Variants in NELL1 observed in about 807,000 individuals in gnomAD.
NELL1 encodes neural EGFL like 1.
A neutral mutation model predicts 107.4 loss-of-function variants in NELL1; 76 were observed. The ratio of observed to expected loss-of-function variants is 0.71; its 90% CI spans 0.59 to 0.86. The LOEUF (loss-of-function observed/expected upper bound fraction) is 0.86, where lower values mean the gene tolerates loss of function less well. Among genes scored for constraint, NELL1 ranks in the 40% least tolerant of loss-of-function variants. The pLI is 0.00. For missense variants in NELL1, 1,024 were observed against 1,005.5 expected (o/e 1.02, Z -0.25); for synonymous variants, 353 against 341.2 (o/e 1.03, Z -0.38).
chr11:20,994,799 G>A (rs181684505), intron 12 of NELL1, among the ~76,000 whole-genome samples: 2 of 152,294 alleles, frequency 1.3e-5, no homozygotes, highest in Admixed American at 1.3e-4. Flanking sequence ...ATATCCTGCT[G>A]AGATTTATAT....
intron 14 of NELL1, among the ~76,000 whole-genome samples, chr11:21,231,608 T>C (rs997229196): frequency 3.3e-5 from 5 of 152,164 alleles, no homozygotes; most frequent in African/African-American, 1.2e-4. Flanking sequence ...CATAAAATAA[T>C]ATTAATTGCC....
intron 2 of NELL1, among the ~76,000 whole-genome samples, chr11:20,768,052 G>T (rs1856568829): frequency 6.6e-6 from 1 of 152,160 alleles, no homozygotes; most frequent in Non-Finnish European, 1.5e-5. Flanking sequence ...AAGCCTAAAT[G>T]AAGGAGCCAG....
At chr11:20,970,443 G>C (rs1851475811) in intron 12 of NELL1, among the ~76,000 whole-genome samples, 3 of 152,122 alleles carry the variant, frequency 2.0e-5, no homozygotes, top group South Asian at 2.1e-4. Flanking sequence ...GTTTAAAAGG[G>C]GGAAAAGAGC....
chr11:20,968,564 T>A (rs1242172028), intron 12 of NELL1, among the ~76,000 whole-genome samples: 1 of 152,216 alleles, frequency 6.6e-6, no homozygotes, highest in East Asian at 1.9e-4. Context: ...TGAACGTCAC[T>A]GCCTTTATTT....
chr11:21,358,303 GTCATCTATAATTTCTT>G (rs1371433310), intron 14 of NELL1, among the ~76,000 whole-genome samples: 2 of 152,104 alleles, frequency 1.3e-5, no homozygotes, highest in Non-Finnish European at 2.9e-5. Flanking sequence ...ATTTGTTTGT[GTCATCTATAATTTCTT>G]TCAGCAATGT....
intron 2 of NELL1, among the ~76,000 whole-genome samples, chr11:20,715,771 T>A (rs540419507): frequency 7.9e-5 from 12 of 152,348 alleles, no homozygotes; most frequent in African/African-American, 2.6e-4. Flanking sequence ...GAGTATCTGG[T>A]AGTCTTTTTG....
chr11:21,110,852 A>G (rs1358736231), intron 12 of NELL1, among the ~76,000 whole-genome samples: 2 of 152,142 alleles, frequency 1.3e-5, no homozygotes, highest in African/African-American at 4.8e-5. Flanking sequence ...TAAAACAGAG[A>G]AATTGAATTG....
intron 16 of NELL1, among the ~76,000 whole-genome samples, chr11:21,536,390 T>C (rs75337164): frequency 0.082 from 12,439 of 152,268 alleles, 651 homozygotes; most frequent in Non-Finnish European, 0.11. Flanking sequence ...TGCCTTTATA[T>C]ACGTTGTCCC....
At chr11:21,038,630 T>C (rs1322623966) in intron 12 of NELL1, among the ~76,000 whole-genome samples, 3 of 152,204 alleles carry the variant, frequency 2.0e-5, no homozygotes, top group Non-Finnish European at 4.4e-5. Flanking sequence ...CCTGGTCTCT[T>C]ACTACTCTCT....
At chr11:21,381,294 CA>C (rs1851601591) in intron 15 of NELL1, among the ~76,000 whole-genome samples, 1 of 151,588 alleles carries the variant, frequency 6.6e-6, no homozygotes, top group East Asian at 2.0e-4. Context: ...AAAGAGTAAA[CA>C]AAAAAGGGGT....
chr11:21,404,005 A>ACCCC lies in NELL1; in HGVS notation c.1645+33065_1645+33068dup, dbSNP rs71034518. Among the ~76,000 whole-genome samples the ACCCC allele has an allele frequency of 4.3e-4, 22 of 50,956 alleles. 1 individual carries two copies. Among genetic ancestry groups the ACCCC allele is most frequent in the East Asian group, 1.3e-3 (2 of 1,482 alleles). The allele number at this position is 50,956 out of a possible 152,430, so 33.4% of individuals were successfully genotyped here. Reference sequence around the variant, plus strand: ...CGGAAAATATCTCTGTCATTCCTGAACCCCCCCCCCCGCAATCAAAACCAC... The same window carrying ACCCC: ...CGGAAAATATCTCTGTCATTCCTGAACCCCCCCCCCCCCCCGCAATCAAAACCAC... On this transcript the variant is annotated intron_variant, in intron 15 of 19. Transcript: ENST00000357134.
chr11:20,961,508 G>C (rs1000901069), intron 12 of NELL1, among the ~76,000 whole-genome samples: 11 of 152,000 alleles, frequency 7.2e-5, no homozygotes, highest in Non-Finnish European at 1.3e-4. Context: ...GCAAATTCCT[G>C]GTCACTTTCC....
chr11:21,365,174 G>A (rs1409995178), intron 14 of NELL1, among the ~76,000 whole-genome samples: 5 of 152,086 alleles, frequency 3.3e-5, no homozygotes, highest in Non-Finnish European at 7.4e-5. Context: ...ATTATGCTTG[G>A]TTTTATATGC....
chr11:20,969,893 A>AATTT (rs1166007477), intron 12 of NELL1, among the ~76,000 whole-genome samples: 13 of 152,176 alleles, frequency 8.5e-5, no homozygotes, highest in African/African-American at 3.1e-4. Context: ...GCAAAGGCTA[A>AATTT]AGCAGCATAG....
intron 15 of NELL1, among the ~76,000 whole-genome samples, chr11:21,447,596 C>A (rs959822227): frequency 1.3e-5 from 2 of 152,134 alleles, no homozygotes; most frequent in African/African-American, 4.8e-5. Flanking sequence ...AAGACAAAGT[C>A]GACTTTTCTC....
chr11:21,265,989 C>T (rs1215443868), intron 14 of NELL1, among the ~76,000 whole-genome samples: 76 of 151,978 alleles, frequency 5.0e-4, no homozygotes, highest in Admixed American at 5.0e-3. Context: ...GTGTACCCCA[C>T]AGACCTTTCA....
chr11:20,821,560 C>T (rs771349066), intron 3 of NELL1, among the ~76,000 whole-genome samples: 1 of 152,116 alleles, frequency 6.6e-6, no homozygotes, highest in Non-Finnish European at 1.5e-5. Flanking sequence ...ATGTCCATCT[C>T]CAAAAGGACT....
intron 13 of NELL1, among the ~76,000 whole-genome samples, chr11:21,179,856 A>C (rs928690070): frequency 7.3e-6 from 1 of 137,094 alleles, no homozygotes; most frequent in Non-Finnish European, 1.5e-5. Flanking sequence ...GACAGAAATC[A>C]ACACACTTTT....
intron 13 of NELL1, among the ~76,000 whole-genome samples, chr11:21,204,501 G>C (rs778725598): frequency 6.6e-5 from 10 of 151,740 alleles, no homozygotes; most frequent in Admixed American, 1.3e-4. Flanking sequence ...ATTCTAGTTA[G>C]CAATTCCTCT....
Sources: allele counts gnomAD v4.1 joint callset (sites outside exome capture counted in the v4.1 genomes callset), GRCh38; gene constraint gnomAD v4.1.1; transcripts MANE v1.5; gene names NCBI Gene and HGNC (gene_info 2026-07-23, HGNC 2026-07-21).